NEK10: variants seen among roughly 807,000 people sequenced by gnomAD.
The protein encoded by NEK10 is NIMA related kinase 10, also known as serine/threonine-protein kinase Nek10.
In NEK10, 122 loss-of-function variants were observed where a neutral mutation model predicts 159.8. That is an observed-to-expected ratio of 0.76 (90% confidence interval 0.66 to 0.89). The LOEUF (loss-of-function observed/expected upper bound fraction) is 0.89. NEK10 is among the 40% of genes least tolerant of loss of function. The pLI is 0.00. For missense variants in NEK10, 1,342 were observed against 1,323.1 expected, an observed-to-expected ratio of 1.01 and a Z score of -0.22; for synonymous variants, 466 against 457.1, an observed-to-expected ratio of 1.02 and a Z score of -0.25.
chr3:27,218,899 C>T (rs909009522), intron 23 of NEK10, among the ~76,000 whole-genome samples: 6 of 152,292 alleles, frequency 3.9e-5, no homozygotes, highest in Middle Eastern at 6.8e-3. Flanking sequence ...TTGTGCTTCA[C>T]GGTAAAGACC....
At chr3:27,309,085 C>A in intron 9 of NEK10, 80 bp from the exon 10 acceptor site, 1 of 693,008 alleles carries the variant, frequency 1.4e-6, no homozygotes, top group Non-Finnish European at 2.5e-6. Flanking sequence ...AATTTATTTT[C>A]CATTACCAGC....
chr3:27,211,482 A>C (rs1405533978), intron 23 of NEK10, among the ~76,000 whole-genome samples: 2 of 152,216 alleles, frequency 1.3e-5, no homozygotes, highest in Non-Finnish European at 2.9e-5. Context: ...AGTCAGATAG[A>C]CCAAGAACCT....
chr3:27,335,436 A>C (rs1335387778), intron 5 of NEK10, among the ~76,000 whole-genome samples: 1 of 152,144 alleles, frequency 6.6e-6, no homozygotes, highest in Non-Finnish European at 1.5e-5. Flanking sequence ...CACTCTCAGC[A>C]GTAAGCAGAG....
chr3:27,221,786 C>T (rs1328209139), intron 23 of NEK10, among the ~76,000 whole-genome samples: 1 of 152,190 alleles, frequency 6.6e-6, no homozygotes, highest in Non-Finnish European at 1.5e-5. Flanking sequence ...ACTAGCCCTG[C>T]TCATAGGCTT....
At chr3:27,327,116 A>G (rs142625550) in intron 5 of NEK10, among the ~76,000 whole-genome samples, 1 of 152,208 alleles carries the variant, frequency 6.6e-6, no homozygotes, top group East Asian at 1.9e-4. Context: ...CCACAGCTAC[A>G]CAATAAGTAA....
intron 5 of NEK10, among the ~76,000 whole-genome samples, chr3:27,330,500 A>C (rs1357199652): frequency 6.6e-6 from 1 of 152,256 alleles, no homozygotes; most frequent in Admixed American, 6.5e-5. Flanking sequence ...TAAAATTGTT[A>C]AAAGATTAGA....
intron 14 of NEK10, among the ~76,000 whole-genome samples, chr3:27,296,362 T>A (rs1575628032): frequency 6.6e-6 from 1 of 152,166 alleles, no homozygotes; most frequent in African/African-American, 2.4e-5. Flanking sequence ...AGTGGATACA[T>A]TATTTTTTTA....
intron 22 of NEK10, among the ~76,000 whole-genome samples, chr3:27,272,321 T>C (rs1166049428): frequency 6.6e-6 from 1 of 152,200 alleles, no homozygotes; most frequent in Non-Finnish European, 1.5e-5. Flanking sequence ...GTCAACCAGA[T>C]GGCATCTCAT....
In NEK10 at chr3:27,238,615, G is replaced by GT. The variant is rs542281587; in HGVS notation, c.2090+17680dup. On this transcript the variant is annotated intron_variant, in intron 23 of 35. Coordinates refer to ENST00000691995, the MANE Select transcript of NEK10 (RefSeq NM_001394966.1). ...ACAATATTTTCAGATATTTCTATCT[G>GT]TGATAGGATCATAAAATATATGCCA... Among the ~76,000 whole-genome samples the GT allele has an allele frequency of 1.4e-3, 214 of 152,038 alleles. 2 individuals carry two copies. Among genetic ancestry groups the GT allele is most frequent in the Admixed American group, 4.9e-3 (75 of 15,252 alleles).
chr3:27,337,454 G>T (rs1309218744), intron 5 of NEK10, among the ~76,000 whole-genome samples: 1 of 97,034 alleles, frequency 1.0e-5, no homozygotes, highest in Non-Finnish European at 2.3e-5. Context: ...AGAAAAAAAA[G>T]AAATAAAATT....
At chr3:27,155,542 T>TAAAAC (rs1945320417) in intron 30 of NEK10, among the ~76,000 whole-genome samples, 2 of 149,056 alleles carry the variant, frequency 1.3e-5, no homozygotes, top group Admixed American at 6.7e-5. Context: ...TAAAATAAAA[T>TAAAAC]AAAATAAAAT....
At chr3:27,259,947 T>C (rs929400337) in intron 22 of NEK10, among the ~76,000 whole-genome samples, 5 of 152,158 alleles carry the variant, frequency 3.3e-5, no homozygotes, top group African/African-American at 1.2e-4. Context: ...CCCTTGTAAG[T>C]TGGATTCCTA....
intron 9 of NEK10, 93 bp from the exon 10 acceptor site, chr3:27,309,098 C>T (rs558818453): frequency 1.6e-6 from 1 of 620,868 alleles, no homozygotes; most frequent in Non-Finnish European, 2.8e-6. Flanking sequence ...TTACCAGCTG[C>T]TTGAATGACA....
intron 29 of NEK10, among the ~76,000 whole-genome samples, chr3:27,165,857 T>C (rs1361017697): frequency 6.6e-6 from 1 of 152,214 alleles, no homozygotes; most frequent in Non-Finnish European, 1.5e-5. Context: ...ATTTGGATAA[T>C]AATTTTGCCA....
chr3:27,275,800 A>G (rs1005957547), intron 22 of NEK10, among the ~76,000 whole-genome samples: 11 of 152,224 alleles, frequency 7.2e-5, no homozygotes, highest in African/African-American at 2.4e-4. Context: ...AACAATTAAA[A>G]GTCCTCTAAT....
intron 22 of NEK10, among the ~76,000 whole-genome samples, chr3:27,276,092 A>C (rs950394838): frequency 6.6e-6 from 1 of 152,102 alleles, no homozygotes; most frequent in African/African-American, 2.4e-5. Flanking sequence ...TATTTGTAAA[A>C]TGGCTTCTGA....
intron 30 of NEK10, among the ~76,000 whole-genome samples, chr3:27,151,182 C>T (rs1261393570): frequency 6.6e-6 from 1 of 152,158 alleles, no homozygotes; most frequent in East Asian, 1.9e-4. Context: ...ACACCACCTC[C>T]CGGAAGGAGG....
rs932161938 is a variant in NEK10, at chr3:27,314,440, T to C, written c.448-102A>G. The C allele has an allele frequency of 1.8e-5, 13 of 741,532 alleles. 1 individual carries two copies. Among genetic ancestry groups the C allele is most frequent in the South Asian group, 1.6e-4 (10 of 64,420 alleles). 45.9% of individuals were successfully genotyped at this position (741,532 alleles called of 1,614,324 possible). A position where few individuals can be genotyped will look rare whatever the true frequency, so the allele number is the denominator to read the frequency against. On this transcript the variant is annotated intron_variant, in intron 6 of 35. Transcript: ENST00000691995. ...TACTAAGTTGTCATATTTATAATTATATTGTGAAGGTCTACATTCTAATAT... is the reference window on the plus strand; with the variant it reads ...TACTAAGTTGTCATATTTATAATTACATTGTGAAGGTCTACATTCTAATAT...
chr3:27,362,308 G>A (rs1271903146), intron 1 of NEK10, among the ~76,000 whole-genome samples: 1 of 152,122 alleles, frequency 6.6e-6, no homozygotes, highest in Non-Finnish European at 1.5e-5. Flanking sequence ...AGGAGTAAGT[G>A]GCAGCCTTCA....
Sources: allele counts gnomAD v4.1 joint callset (sites outside exome capture counted in the v4.1 genomes callset), GRCh38; gene constraint gnomAD v4.1.1; transcripts MANE v1.5; gene names NCBI Gene and HGNC (gene_info 2026-07-23, HGNC 2026-07-21).